Variants in CYP27C1 observed in about 807,000 individuals in gnomAD.
CYP27C1 encodes the protein cytochrome P450 27C1.
CYP27C1 carries 29 observed loss-of-function variants against 40.6 expected under a neutral mutation model. The observed-to-expected ratio is 0.71, with a 90% confidence interval of 0.53 to 0.97. The LOEUF (loss-of-function observed/expected upper bound fraction) is 0.97, where lower values mean the gene tolerates loss of function less well. Among genes scored for constraint, CYP27C1 ranks in the 50% least tolerant of loss-of-function variants. The pLI is 0.00. For missense variants in CYP27C1, 390 were observed against 485.8 expected (o/e 0.80, Z 1.85); for synonymous variants, 198 against 186.8 (o/e 1.06, Z -0.49).
At chr2:127,211,117 T>C (rs1360582761) in intron 1 of CYP27C1, among the ~76,000 whole-genome samples, 4 of 151,688 alleles carry the variant, frequency 2.6e-5, no homozygotes, top group Non-Finnish European at 5.9e-5. Flanking sequence ...CCACATATAC[T>C]CCTCAGCAAG....
intron 5 of CYP27C1, among the ~76,000 whole-genome samples, chr2:127,197,477 A>T (rs914778731): frequency 6.6e-6 from 1 of 152,204 alleles, no homozygotes; most frequent in Admixed American, 6.5e-5. Context: ...ACCCGTGCAA[A>T]GGAAAAGCTT....
At chr2:127,193,361 C>T (rs1335605158) in intron 7 of CYP27C1, 64 bp from the exon 8 acceptor site, 3 of 1,592,706 alleles carry the variant, frequency 1.9e-6, no homozygotes, top group Non-Finnish European at 2.6e-6. Context: ...CAGGGCAGGG[C>T]CCAGAGCCCT....
Position 127,203,492 on chromosome 2 carries a change from C to T in CYP27C1, c.553G>A (p.Gly185Arg). The change falls in exon 3 of 9, where the codon GGA becomes AGA. Residue 185 changes from glycine (G) to arginine (R), a missense_variant. Transcript: ENST00000664447. ...LKPKDVAIYS[G>R]EVNQVIADLI... is the part of the protein sequence containing the mutation. The stretch of plus-strand genomic sequence containing the variant: ...TCAGCAATAACTTGGTTGACTTCTC[C>T]AGAATAAATGGCCACATCTTTCGGT... The T allele has an allele frequency of 2.5e-6, 4 of 1,614,032 alleles. No individual in the cohort carries two copies. Among genetic ancestry groups the T allele is most frequent in the Non-Finnish European group, 3.4e-6 (4 of 1,180,012 alleles).
chr2:127,190,331 C>CTTTTTTTTTTTTTTTTTT, intron 8 of CYP27C1, among the ~76,000 whole-genome samples: 1 of 120,228 alleles, frequency 8.3e-6, no homozygotes, highest in Non-Finnish European at 1.6e-5. Flanking sequence ...TGTGGCTTCT[C>CTTTTTTTTTTTTTTTTTT]TTTTTTTTTT....
At chr2:127,189,168 G>GCCCCCCCCCCCCCCCCCCCCC (rs34707287) in intron 8 of CYP27C1, among the ~76,000 whole-genome samples, 1 of 129,132 alleles carries the variant, frequency 7.7e-6, no homozygotes, top group African/African-American at 2.9e-5. Context: ...AAAAAACACT[G>GCCCCCCCCCCCCCCCCCCCCC]CCCCCCCCCT....
intron 8 of CYP27C1, among the ~76,000 whole-genome samples, chr2:127,189,168 G>GCCCCCCCCCCCC (rs34707287): frequency 1.5e-5 from 2 of 129,132 alleles, no homozygotes; most frequent in African/African-American, 2.9e-5. Context: ...AAAAAACACT[G>GCCCCCCCCCCCC]CCCCCCCCCT....
At chr2:127,205,083 C>T (rs920825154) in intron 2 of CYP27C1, among the ~76,000 whole-genome samples, 4 of 152,216 alleles carry the variant, frequency 2.6e-5, no homozygotes, top group Non-Finnish European at 5.9e-5. Context: ...GGGGTCCAGG[C>T]ACCCACACAG....
At chr2:127,198,118 C>T (rs1328869083) in intron 5 of CYP27C1, among the ~76,000 whole-genome samples, 1 of 152,010 alleles carries the variant, frequency 6.6e-6, no homozygotes, top group Non-Finnish European at 1.5e-5. Flanking sequence ...CTGATATGAA[C>T]CCTCCCTGGT....
chr2:127,217,974 G>C (rs1372600628), intron 1 of CYP27C1, among the ~76,000 whole-genome samples: 1 of 152,180 alleles, frequency 6.6e-6, no homozygotes, highest in African/African-American at 2.4e-5. Flanking sequence ...CACCTGGAGA[G>C]TAAAGGGAAA....
At chr2:127,217,481 C>T (rs1482215147) in intron 1 of CYP27C1, among the ~76,000 whole-genome samples, 2 of 152,142 alleles carry the variant, frequency 1.3e-5, no homozygotes, top group Non-Finnish European at 2.9e-5. Context: ...AGAGGAATGG[C>T]GATTGCTAAT....
In CYP27C1 at chr2:127,209,708, T is replaced by A. The variant is rs1683300739; in HGVS notation, c.283-3618A>T. On this transcript the variant is annotated intron_variant, in intron 1 of 8. Transcript: ENST00000664447. The surrounding 1 kb of genome is among the most constrained non-coding windows in gnomAD (Gnocchi z 4.1). ...AGCTGAAAAACACAGTGTGAGAACT[T>A]CGTGAAGCATACACAGGTATCAACA... is the stretch of plus-strand genomic sequence containing the variant. 6.6e-6 allele frequency among the ~76,000 whole-genome samples: 1 copy of A among 152,204 alleles called. No homozygotes were observed. Among genetic ancestry groups the A allele is most frequent in the Non-Finnish European group, 1.5e-5 (1 of 68,042 alleles).
chr2:127,197,984 G>A (rs138154099), intron 5 of CYP27C1, among the ~76,000 whole-genome samples: 18 of 152,068 alleles, frequency 1.2e-4, no homozygotes, highest in South Asian at 4.1e-4. Context: ...GCACACAGCC[G>A]GGAGGGGGCG....
intron 3 of CYP27C1, among the ~76,000 whole-genome samples, chr2:127,202,903 T>C (rs1435790196): frequency 6.6e-6 from 1 of 152,184 alleles, no homozygotes. Context: ...GTGCAGTGGC[T>C]CATGCCTGTA....
rs369235467 is a variant in CYP27C1, at chr2:127,201,082, A to T, written c.883+40T>A. The T allele has an allele frequency of 1.9e-5, 30 of 1,595,094 alleles. No individual in the cohort carries two copies. In the East Asian group the frequency reaches 5.4e-4, roughly 29 times the overall value. Reference sequence around the variant, plus strand: ...AGTTAGACACACAACACGGCAGGTCAACCTGCTTCTGCAAAAGGTGCTCTC... The same window carrying T: ...AGTTAGACACACAACACGGCAGGTCTACCTGCTTCTGCAAAAGGTGCTCTC... On this transcript the variant is annotated intron_variant, in intron 4 of 8. Transcript: ENST00000664447. This position sits in a 1 kb window ranked among gnomAD's most constrained non-coding sequence, Gnocchi z 6.0.
chr2:127,204,910 C>T (rs1683190962), intron 2 of CYP27C1, among the ~76,000 whole-genome samples: 1 of 152,192 alleles, frequency 6.6e-6, no homozygotes, highest in Admixed American at 6.5e-5. Context: ...GCTCCACTTT[C>T]GCGTTCTCAA....
chr2:127,193,400 C>G, intron 7 of CYP27C1, 103 bp from the exon 8 acceptor site: 1 of 1,397,372 alleles, frequency 7.2e-7, no homozygotes, highest in Non-Finnish European at 9.9e-7. Context: ...GGTGCTCCCG[C>G]CTGGGGGCCG....
chr2:127,211,030 C>T (rs1184784956), intron 1 of CYP27C1, among the ~76,000 whole-genome samples: 2 of 152,186 alleles, frequency 1.3e-5, no homozygotes, highest in African/African-American at 4.8e-5. Context: ...TAGATGTCTA[C>T]AGAACTCTCT....
intron 1 of CYP27C1, among the ~76,000 whole-genome samples, chr2:127,210,939 C>T (rs571259193): frequency 1.3e-5 from 2 of 152,250 alleles, no homozygotes; most frequent in Admixed American, 1.3e-4. Flanking sequence ...ACCCCACTGT[C>T]AATATTAGAC....
intron 5 of CYP27C1, among the ~76,000 whole-genome samples, chr2:127,197,549 T>C (rs1682932543): frequency 1.3e-5 from 2 of 152,130 alleles, no homozygotes; most frequent in Non-Finnish European, 2.9e-5. Flanking sequence ...GACTCCTACC[T>C]TAGAGGAAGC....
Sources: allele counts gnomAD v4.1 joint callset (sites outside exome capture counted in the v4.1 genomes callset), GRCh38; gene constraint gnomAD v4.1.1; non-coding constraint Gnocchi (gnomAD v3.1); transcripts MANE v1.5; gene names NCBI Gene and HGNC (gene_info 2026-07-23, HGNC 2026-07-21).